NKAIN3: variants seen among roughly 807,000 people sequenced by gnomAD.
NKAIN3 encodes sodium/potassium transporting ATPase interacting 3.
NKAIN3 carries 25 observed loss-of-function variants against 30.2 expected under a neutral mutation model. That is an observed-to-expected ratio of 0.83 (90% CI 0.60 to 1.16). The LOEUF is 1.16. Ranked by LOEUF, NKAIN3 falls within the 50% of genes most tolerant of loss-of-function variation. NKAIN3 has a pLI of 0.00. For missense variants in NKAIN3, 225 were observed against 254.1 expected (o/e 0.89, Z 0.78); for synonymous variants, 91 against 89.6 (o/e 1.02, Z -0.09).
At chr8:62,592,869 A>G (rs1413098844) in intron 3 of NKAIN3, among the ~76,000 whole-genome samples, 1 of 151,996 alleles carries the variant, frequency 6.6e-6, no homozygotes, top group Non-Finnish European at 1.5e-5. Context: ...GATGTTTTAC[A>G]ATGATAACAG....
rs144065199 is a variant in NKAIN3, at chr8:62,479,865, C to T, written c.55-99674C>T. On this transcript the variant is annotated intron_variant, in intron 1 of 6. Coordinates refer to ENST00000623646, the MANE Select transcript of NKAIN3 (RefSeq NM_001304533.3). ...GGTTGGTCAGGATATTTCTGCTCCC[C>T]GCCTTTCCCAGAGAAATTGTAGACA... 6.6e-3 allele frequency among the ~76,000 whole-genome samples: 997 copies of T among 152,176 alleles called. 8 individuals are homozygous for T. Among genetic ancestry groups the T allele is most frequent in the Middle Eastern group, 0.024 (7 of 294 alleles).
rs750407070 is a variant in NKAIN3, at chr8:62,747,054, C to T, written c.396C>T (p.Tyr132=). ...ATGGCATGATGGACGATTACACGTA[C>T]GTCTCTGTCACAGGCTGCATCGTTG... ...SAHGMMDDYT[Y]VSVTGCIVDF... is the part of the protein sequence containing the mutation. Residue 132 remains tyrosine (Y), a synonymous_variant, in exon 4 of 7, where the codon TAC becomes TAT. Transcript: ENST00000623646. 103 of 1,613,352 alleles carry T rather than the reference C, an allele frequency of 6.4e-5. No individual in the cohort carries two copies. The highest frequency in any genetic ancestry group is 1.6e-4 in the Middle Eastern group (1 of 6,080).
intron 4 of NKAIN3, among the ~76,000 whole-genome samples, chr8:62,912,987 A>G (rs1821968103): frequency 6.6e-6 from 1 of 152,170 alleles, no homozygotes; most frequent in Non-Finnish European, 1.5e-5. Context: ...CACTGGGATC[A>G]GTATCATCAA....
chr8:62,551,989 T>A (rs1394150281), intron 1 of NKAIN3, among the ~76,000 whole-genome samples: 3 of 152,200 alleles, frequency 2.0e-5, no homozygotes, highest in Non-Finnish European at 4.4e-5. Flanking sequence ...ATTAAAAATG[T>A]GGGCCTTTCC....
chr8:62,408,482 A>T (rs1804143847), intron 1 of NKAIN3, among the ~76,000 whole-genome samples: 1 of 152,216 alleles, frequency 6.6e-6, no homozygotes, highest in South Asian at 2.1e-4. Context: ...AATTATTAAT[A>T]GTATGAAAGG....
At chr8:62,498,386 A>T (rs1451845) in intron 1 of NKAIN3, among the ~76,000 whole-genome samples, 101,789 of 151,840 alleles carry the variant, frequency 0.67, 34,599 homozygotes, top group South Asian at 0.79. Context: ...CTTTCTCTTC[A>T]TCTCATTCCC....
At chr8:62,722,636 G>A (rs760664211) in intron 3 of NKAIN3, among the ~76,000 whole-genome samples, 4 of 152,140 alleles carry the variant, frequency 2.6e-5, no homozygotes, top group South Asian at 4.1e-4. Flanking sequence ...CCATGGAGAC[G>A]TGAAGAGAGA....
At chr8:62,878,746 G>C (rs921448981) in intron 4 of NKAIN3, among the ~76,000 whole-genome samples, 1 of 144,916 alleles carries the variant, frequency 6.9e-6, no homozygotes, top group Non-Finnish European at 1.5e-5. Flanking sequence ...CCACCTATGA[G>C]TGAGAACATG....
intron 1 of NKAIN3, among the ~76,000 whole-genome samples, chr8:62,392,507 T>A (rs1023108770): frequency 1.3e-5 from 2 of 152,014 alleles, no homozygotes; most frequent in Non-Finnish European, 2.9e-5. Context: ...TATATTTATA[T>A]TTTGGCTGTA....
chr8:62,416,413 C>T lies in NKAIN3; in HGVS notation c.55-163126C>T, dbSNP rs754815052. Reference sequence around the variant, plus strand: ...GTTTTCATTTTTCTCTAGATGGTCTCCTAATGTGTCTCCTTTCAGACACAT... The same window carrying T: ...GTTTTCATTTTTCTCTAGATGGTCTTCTAATGTGTCTCCTTTCAGACACAT... On this transcript the variant is annotated intron_variant, in intron 1 of 6. Coordinates refer to ENST00000623646, the MANE Select transcript of NKAIN3 (RefSeq NM_001304533.3). Among the ~76,000 whole-genome samples, 3 of 152,272 alleles carry T rather than the reference C, an allele frequency of 2.0e-5. No homozygotes were observed. In the Middle Eastern group the frequency reaches 0.01, roughly 518 times the overall value.
At chr8:62,545,067 A>T (rs1244970361) in intron 1 of NKAIN3, among the ~76,000 whole-genome samples, 1 of 152,088 alleles carries the variant, frequency 6.6e-6, no homozygotes, top group African/African-American at 2.4e-5. Flanking sequence ...CTGTCTTGGG[A>T]ACTGAGTTGA....
At chr8:62,643,818 G>A (rs1468810693) in intron 3 of NKAIN3, among the ~76,000 whole-genome samples, 1 of 148,998 alleles carries the variant, frequency 6.7e-6, no homozygotes. Context: ...TGGATCTCTT[G>A]TTGTTTTTTA....
intron 3 of NKAIN3, among the ~76,000 whole-genome samples, chr8:62,601,947 C>A (rs34290856): frequency 6.6e-6 from 1 of 151,808 alleles, no homozygotes; most frequent in Admixed American, 6.6e-5. Context: ...AATTTGATTC[C>A]TCCTGTAGCT....
intron 1 of NKAIN3, among the ~76,000 whole-genome samples, chr8:62,541,794 T>A (rs1039993456): frequency 1.3e-5 from 2 of 152,208 alleles, no homozygotes; most frequent in Non-Finnish European, 2.9e-5. Context: ...ATCTCTTATT[T>A]TTCTGAAAAT....
intron 1 of NKAIN3, among the ~76,000 whole-genome samples, chr8:62,433,903 C>A (rs1805091449): frequency 6.6e-6 from 1 of 152,086 alleles, no homozygotes; most frequent in Non-Finnish European, 1.5e-5. Context: ...AACATCTTGT[C>A]AGCCTTTTGT....
intron 1 of NKAIN3, among the ~76,000 whole-genome samples, chr8:62,407,525 G>A (rs1003717158): frequency 1.3e-5 from 2 of 150,800 alleles, no homozygotes; most frequent in African/African-American, 2.4e-5. Context: ...AGTCTGTGGA[G>A]TAGCTGGGAC....
chr8:62,678,404 G>A lies in NKAIN3; in HGVS notation c.274-68528G>A, dbSNP rs996261135. Among the ~76,000 whole-genome samples, 14 of 152,036 alleles carry A rather than the reference G, an allele frequency of 9.2e-5. 1 individual carries two copies. The highest frequency in any genetic ancestry group is 2.9e-4 in the African/African-American group (12 of 41,410). The stretch of plus-strand genomic sequence containing the variant: ...GAGCTTATGATATCATGCAATCTTC[G>A]AAATAGATGAGTAAGAGATTTGATA... On this transcript the variant is annotated intron_variant, in intron 3 of 6. Transcript: ENST00000623646.
chr8:62,580,899 A>G, intron 2 of NKAIN3, among the ~76,000 whole-genome samples: 1 of 81,534 alleles, frequency 1.2e-5, no homozygotes, highest in African/African-American at 3.3e-5. Context: ...AAGAGCAGCT[A>G]GGGTTTTTAT....
Position 62,959,628 on chromosome 8 carries a change from C to A in NKAIN3, c.603+5656C>A, listed in dbSNP as rs1337896833. On this transcript the variant is annotated intron_variant, in intron 6 of 6. Transcript: ENST00000623646. ...ATTTGTCCTTAATTAGCCTTCACAT[C>A]TTATATTTATCCAGATAGAGCACGC... 4.6e-5 allele frequency among the ~76,000 whole-genome samples: 7 copies of A among 152,106 alleles called. No homozygotes were observed. The East Asian group carries it at 1.4e-3, about 29-fold the overall frequency.
Sources: gnomAD v4.1 joint callset for allele counts (sites outside exome capture counted in the v4.1 genomes callset) on GRCh38, gnomAD v4.1.1 for gene constraint, MANE v1.5 for transcripts, NCBI Gene and HGNC (gene_info 2026-07-23, HGNC 2026-07-21) for gene names.